Variants in RAB3C observed in about 807,000 individuals in gnomAD.
RAB3C encodes the protein RAB3C, member RAS oncogene family, also known as ras-related protein Rab-3C.
A neutral mutation model predicts 26.4 loss-of-function variants in RAB3C; 17 were observed. The ratio of observed to expected loss-of-function variants is 0.64; its 90% CI spans 0.44 to 0.97. The LOEUF is 0.97. Ranked by LOEUF, RAB3C falls within the 50% of genes least tolerant of loss-of-function variation. The probability of loss-of-function intolerance (pLI) is 0.00; values close to 1 mark genes in which losing one functional copy is unlikely to be tolerated. For missense variants in RAB3C, 242 were observed against 281.9 expected, an observed-to-expected ratio of 0.86 and a Z score of 1.01; for synonymous variants, 91 against 95.9, an observed-to-expected ratio of 0.95 and a Z score of 0.30.
intron 2 of RAB3C, among the ~76,000 whole-genome samples, chr5:58,625,596 T>G (rs1261152400): frequency 6.6e-6 from 1 of 152,118 alleles, no homozygotes; most frequent in Non-Finnish European, 1.5e-5. Context: ...CTGTGGCTTA[T>G]GCCTGTAATC....
At chr5:58,754,895 T>C (rs920439856) in intron 3 of RAB3C, among the ~76,000 whole-genome samples, 1 of 151,774 alleles carries the variant, frequency 6.6e-6, no homozygotes, top group Admixed American at 6.6e-5. Context: ...CTTTTTTTTT[T>C]CTTCTGCACA....
intron 2 of RAB3C, among the ~76,000 whole-genome samples, chr5:58,652,139 C>T (rs774322632): frequency 2.0e-5 from 3 of 151,750 alleles, no homozygotes; most frequent in Admixed American, 1.3e-4. Context: ...GCCTAGTCTG[C>T]GATTGGGAGC....
chr5:58,803,031 G>C (rs998347495), intron 3 of RAB3C, among the ~76,000 whole-genome samples: 2 of 152,312 alleles, frequency 1.3e-5, no homozygotes, highest in Non-Finnish European at 2.9e-5. Context: ...GACAAAGGTA[G>C]TACCCATCTA....
chr5:58,614,181 A>G (rs1259656975), intron 1 of RAB3C, among the ~76,000 whole-genome samples: 1 of 152,004 alleles, frequency 6.6e-6, no homozygotes, highest in East Asian at 1.9e-4. Flanking sequence ...GACTGTTCCT[A>G]TTTTCAAATT....
At chr5:58,777,863 C>A (rs190808449) in intron 3 of RAB3C, among the ~76,000 whole-genome samples, 1 of 151,732 alleles carries the variant, frequency 6.6e-6, no homozygotes, top group African/African-American at 2.4e-5. Flanking sequence ...TTTGTCCTTG[C>A]GATAGTTTTC....
intron 1 of RAB3C, among the ~76,000 whole-genome samples, chr5:58,584,453 C>T (rs1258306299): frequency 1.3e-5 from 2 of 152,006 alleles, no homozygotes; most frequent in African/African-American, 4.8e-5. Context: ...CTTCTAATAC[C>T]TCTATTTGTG....
In RAB3C at chr5:58,625,856, C is replaced by CAA. The variant is rs11396391; in HGVS notation, c.252+8001_252+8002dup. 9.7e-3 allele frequency among the ~76,000 whole-genome samples: 1,183 copies of CAA among 122,312 alleles called. 26 individuals carry two copies. The highest frequency in any genetic ancestry group is 0.028 in the African/African-American group (962 of 33,840). 80.2% of individuals were successfully genotyped at this position (122,312 alleles called of 152,430 possible). A position where few individuals can be genotyped will look rare whatever the true frequency, so the allele number is the denominator to read the frequency against. ...TGGGTGACAGAGTGAGACTCTGTCT[C>CAA]AAAAAAAAAAAAAAAATTGGAATAC... On this transcript the variant is annotated intron_variant, in intron 2 of 4. Transcript: ENST00000282878.
chr5:58,740,301 G>A (rs755937231), intron 3 of RAB3C, among the ~76,000 whole-genome samples: 19 of 152,152 alleles, frequency 1.2e-4, no homozygotes, highest in Non-Finnish European at 1.3e-4. Flanking sequence ...TTGCAAGTTC[G>A]TGTTTTATTT....
chr5:58,741,662 C>T (rs539395624), intron 3 of RAB3C: 3 of 152,032 alleles, frequency 2.0e-5, no homozygotes, highest in South Asian at 2.1e-4. Context: ...CCACTATGTC[C>T]GTCTACAGTG....
At chr5:58,668,403 A>G (rs1032219255) in intron 2 of RAB3C, among the ~76,000 whole-genome samples, 6 of 152,316 alleles carry the variant, frequency 3.9e-5, no homozygotes, top group Admixed American at 2.0e-4. Context: ...GCTTTAAATT[A>G]GATTTAATAT....
At chr5:58,747,483 C>A (rs887910749) in intron 3 of RAB3C, among the ~76,000 whole-genome samples, 7 of 152,236 alleles carry the variant, frequency 4.6e-5, no homozygotes, top group African/African-American at 1.7e-4. Context: ...CTCCGTTAAA[C>A]TTCCCTTTCA....
At chr5:58,747,709 G>C (rs1741429350) in intron 3 of RAB3C, among the ~76,000 whole-genome samples, 1 of 151,018 alleles carries the variant, frequency 6.6e-6, no homozygotes, top group African/African-American at 2.4e-5. Context: ...TATTCTTTCT[G>C]TCTCTCTCTC....
intron 2 of RAB3C, among the ~76,000 whole-genome samples, chr5:58,697,119 T>G (rs969093235): frequency 6.6e-6 from 1 of 152,242 alleles, no homozygotes; most frequent in African/African-American, 2.4e-5. Context: ...TCTGGTACGT[T>G]GTGTCTTTGT....
In RAB3C at chr5:58,611,220, A is replaced by G. The variant is rs141594656; in HGVS notation, c.25-6423A>G. Among the ~76,000 whole-genome samples the G allele has an allele frequency of 1.8e-3, 267 of 150,764 alleles. 2 individuals carry two copies. Among genetic ancestry groups the G allele is most frequent in the South Asian group, 4.0e-3 (19 of 4,798 alleles). ...GTGCATGTCTCTTTATAATAGAACA[A>G]TGTCTGGTCCTTTGGGTATATACCC... On this transcript the variant is annotated intron_variant, in intron 1 of 4. Coordinates refer to ENST00000282878, the MANE Select transcript of RAB3C (RefSeq NM_138453.4).
At chr5:58,612,407 T>C (rs1322572466) in intron 1 of RAB3C, among the ~76,000 whole-genome samples, 1 of 151,348 alleles carries the variant, frequency 6.6e-6, no homozygotes, top group East Asian at 1.9e-4. Context: ...TCTGATTTCT[T>C]TGAGCAGTGT....
chr5:58,708,032 C>T (rs556565940), intron 2 of RAB3C, among the ~76,000 whole-genome samples: 1 of 151,118 alleles, frequency 6.6e-6, no homozygotes, highest in Non-Finnish European at 1.5e-5. Context: ...TCTGTGTTGC[C>T]CAGGCTGGAA....
At chr5:58,727,996 T>G (rs566595541) in intron 3 of RAB3C, among the ~76,000 whole-genome samples, 17 of 152,080 alleles carry the variant, frequency 1.1e-4, no homozygotes, top group African/African-American at 4.1e-4. Context: ...TTTCCAACAT[T>G]TGTGCTTCTT....
intron 3 of RAB3C, among the ~76,000 whole-genome samples, chr5:58,796,376 T>C (rs1742649322): frequency 6.6e-6 from 1 of 152,170 alleles, no homozygotes; most frequent in East Asian, 1.9e-4. Context: ...TGTCATGTAA[T>C]TTTTCTGTCC....
At chr5:58,800,835 C>T (rs1742791731) in intron 3 of RAB3C, among the ~76,000 whole-genome samples, 1 of 152,194 alleles carries the variant, frequency 6.6e-6, no homozygotes, top group Non-Finnish European at 1.5e-5. Context: ...CCATGTGGAA[C>T]TAAATGCAAC....
Sources: gnomAD v4.1 joint callset for allele counts (sites outside exome capture counted in the v4.1 genomes callset) on GRCh38, gnomAD v4.1.1 for gene constraint, MANE v1.5 for transcripts, NCBI Gene and HGNC (gene_info 2026-07-23, HGNC 2026-07-21) for gene names.